ZNF25: variants seen among roughly 807,000 people sequenced by gnomAD.
ZNF25 encodes the protein zinc finger protein 25 (KOX 19).
ZNF25 carries 21 observed loss-of-function variants against 30.9 expected under a neutral mutation model. The ratio of observed to expected loss-of-function variants is 0.68; its 90% CI spans 0.48 to 0.98. The LOEUF is 0.98. Among genes scored for constraint, ZNF25 ranks in the 50% least tolerant of loss-of-function variants. The pLI, the probability that ZNF25 is intolerant of heterozygous loss-of-function variation, is 0.00. For missense variants in ZNF25, 501 were observed against 529.9 expected, an observed-to-expected ratio of 0.95 and a Z score of 0.54; for synonymous variants, 169 against 181.3, an observed-to-expected ratio of 0.93 and a Z score of 0.55.
rs925152321 is a variant in ZNF25 at position 37,957,353 on chromosome 10, T to C, written c.142+67A>G. ...ATCATTCAACCCTATAGGGACATTT[T>C]ATACTCCAGTAACTGAGAAGATAGA... On this transcript the variant is annotated intron_variant, in intron 3 of 5. Transcript: ENST00000302609. 9.0e-6 allele frequency: 14 copies of C among 1,553,900 alleles called. No individual in the cohort carries two copies. In the African/African-American group the frequency reaches 1.5e-4, roughly 17 times the overall value.
At chr10:37,955,710 C>T (rs1455819232) in intron 4 of ZNF25, among the ~76,000 whole-genome samples, 1 of 152,096 alleles carries the variant, frequency 6.6e-6, no homozygotes, top group Non-Finnish European at 1.5e-5. Context: ...ACATGAGTCT[C>T]ACTGTTGTCC....
chr10:37,960,297 T>C (rs2135355422), intron 2 of ZNF25, among the ~76,000 whole-genome samples: 1 of 151,858 alleles, frequency 6.6e-6, no homozygotes, highest in East Asian at 1.9e-4. Context: ...ATATAAAAAA[T>C]AGAGTTCTAG....
At chr10:37,953,227 T>G in intron 5 of ZNF25, 32 bp from the exon 6 acceptor site, 1 of 1,530,370 alleles carries the variant, frequency 6.5e-7, no homozygotes, top group Non-Finnish European at 8.7e-7. Flanking sequence ...CATTAATGTG[T>G]AAGACTTTTA....
rs2062250395 is a variant in ZNF25, at chr10:37,952,860, T to C, written c.638A>G (p.Gln213Arg). The change falls in exon 6 of 6, where the codon CAG (glutamine) becomes CGG (arginine). Residue 213 changes from glutamine (Q) to arginine (R), a missense_variant. Coordinates refer to ENST00000302609, the MANE Select transcript of ZNF25 (RefSeq NM_145011.4). The part of the protein sequence containing the change: ...ECNQCEKSFY[Q>R]KPHLTEHQKT... ...CTGATGTTCTGTGAGATGTGGTTTC[T>C]GGTAGAAGGATTTTTCACACTGATT... 6.2e-7 allele frequency: 1 copy of C among 1,614,048 alleles called. No homozygotes were observed. Among genetic ancestry groups the C allele is most frequent in the African/African-American group, 1.3e-5 (1 of 74,926 alleles).
chr10:37,961,116 T>C (rs1347600784), intron 2 of ZNF25, among the ~76,000 whole-genome samples: 1 of 152,128 alleles, frequency 6.6e-6, no homozygotes, highest in Non-Finnish European at 1.5e-5. Context: ...CAAGAGCTGA[T>C]GAAAAGACCC....
Position 37,951,038 on chromosome 10 carries a change from T to C in ZNF25, c.*1089A>G, listed in dbSNP as rs1429705414. ...AAACAGCTCAGGCTTTTGCTATATA[T>C]AAATGTGTCCCTAATGCAAAACTTG... On this transcript the variant is annotated 3_prime_UTR_variant, in exon 6 of 6. Transcript: ENST00000302609. The C allele has an allele frequency of 6.6e-6, 1 of 152,218 alleles. No individual in the cohort carries two copies. Among genetic ancestry groups the C allele is most frequent in the African/African-American group, 2.4e-5 (1 of 41,464 alleles). The allele number at this position is 152,218 out of a possible 1,614,324, so 9.4% of individuals were successfully genotyped here. A position where few individuals can be genotyped will look rare whatever the true frequency, so the allele number is the denominator to read the frequency against.
chr10:37,975,427 G>C (rs989829416), intron 1 of ZNF25, among the ~76,000 whole-genome samples: 1 of 151,160 alleles, frequency 6.6e-6, no homozygotes, highest in African/African-American at 2.4e-5. Context: ...ACCACTTCCA[G>C]CTAGCATGGT....
chr10:37,969,299 G>T (rs552545727), intron 2 of ZNF25, among the ~76,000 whole-genome samples: 1 of 152,088 alleles, frequency 6.6e-6, no homozygotes, highest in Non-Finnish European at 1.5e-5. Context: ...TTGAAAATAG[G>T]TATCAAATAC....
At chr10:37,964,528 T>C (rs776006378) in intron 2 of ZNF25, among the ~76,000 whole-genome samples, 2 of 152,196 alleles carry the variant, frequency 1.3e-5, no homozygotes, top group Non-Finnish European at 2.9e-5. Flanking sequence ...GGCACAGAGC[T>C]TGGCTGCATG....
chr10:37,972,068 G>C (rs1389190772), intron 1 of ZNF25, among the ~76,000 whole-genome samples: 1 of 152,146 alleles, frequency 6.6e-6, no homozygotes, highest in Non-Finnish European at 1.5e-5. Context: ...AATAATGACT[G>C]ATTAAATAAC....
intron 1 of ZNF25, among the ~76,000 whole-genome samples, chr10:37,975,766 A>G (rs1481111128): frequency 6.6e-6 from 1 of 152,194 alleles, no homozygotes; most frequent in Non-Finnish European, 1.5e-5. Flanking sequence ...TGGAAACAGA[A>G]CACTACCTGG....
At chr10:37,966,455 C>A (rs1277929525) in intron 2 of ZNF25, among the ~76,000 whole-genome samples, 4 of 150,990 alleles carry the variant, frequency 2.6e-5, no homozygotes, top group African/African-American at 9.7e-5. Context: ...GGGTAATTTA[C>A]AAAGAAAAGA....
chr10:37,962,069 T>C (rs1401284939), intron 2 of ZNF25, among the ~76,000 whole-genome samples: 1 of 151,528 alleles, frequency 6.6e-6, no homozygotes, highest in Non-Finnish European at 1.5e-5. Flanking sequence ...ACCCCATCTC[T>C]ACTAAAAATA....
chr10:37,968,839 C>T (rs995480694), intron 2 of ZNF25, among the ~76,000 whole-genome samples: 1 of 152,098 alleles, frequency 6.6e-6, no homozygotes, highest in East Asian at 1.9e-4. Context: ...GAAACCCACA[C>T]ATATGGAGGG....
In ZNF25 at chr10:37,952,399, C is replaced by T. The variant is rs1188657802; in HGVS notation, c.1099G>A (p.Glu367Lys). Residue 367 changes from glutamate to lysine, a missense_variant, in exon 6 of 6, where the codon GAG (glutamate) becomes AAG (lysine). By Grantham distance (56) the Glu-to-Lys change is moderately conservative (BLOSUM62 1). Coordinates refer to ENST00000302609, the MANE Select transcript of ZNF25 (RefSeq NM_145011.4). ...CATTCTGTGCATTCATAGGGCTTCT[C>T]CCCTGTGTGTTTTCTCTGATGTTTA... ...LTKHQRKHTG[E>K]KPYECTECGK... 2.5e-6 allele frequency: 4 copies of T among 1,614,102 alleles called. No homozygotes were observed. The highest frequency in any genetic ancestry group is 2.5e-6 in the Non-Finnish European group (3 of 1,180,012).
intron 2 of ZNF25, among the ~76,000 whole-genome samples, chr10:37,971,303 G>A (rs529252535): frequency 4.5e-5 from 6 of 134,594 alleles, no homozygotes; most frequent in Non-Finnish European, 7.9e-5. Flanking sequence ...GCAACAGAGC[G>A]AGACTCCATC....
chr10:37,961,416 A>G (rs1338100815), intron 2 of ZNF25, among the ~76,000 whole-genome samples: 2 of 152,246 alleles, frequency 1.3e-5, no homozygotes, highest in East Asian at 3.8e-4. Context: ...ACCAAATGTT[A>G]AAAGACAAAG....
chr10:37,971,629 A>T, intron 2 of ZNF25, 79 bp downstream of exon 2: 1 of 1,513,580 alleles, frequency 6.6e-7, no homozygotes, highest in Non-Finnish European at 8.9e-7. Flanking sequence ...AAAACTCATT[A>T]AACACACACA....
chr10:37,951,293 G>A lies in ZNF25; in HGVS notation c.*834C>T, dbSNP rs540679712. The A allele has an allele frequency of 1.6e-4, 25 of 152,376 alleles. No individual in the cohort carries two copies. The highest frequency in any genetic ancestry group is 5.8e-4 in the East Asian group (3 of 5,188). 9.4% of individuals were successfully genotyped at this position (152,376 alleles called of 1,614,324 possible). On this transcript the variant is annotated 3_prime_UTR_variant, in exon 6 of 6. Coordinates refer to ENST00000302609, the MANE Select transcript of ZNF25 (RefSeq NM_145011.4). ...TACTGAACTAAGATTATATTATTTC[G>A]CTATGTACCATTATGGATGGATTCC...
Sources: gnomAD v4.1 joint callset for allele counts (sites outside exome capture counted in the v4.1 genomes callset) on GRCh38, gnomAD v4.1.1 for gene constraint, MANE v1.5 for transcripts, NCBI Gene and HGNC (gene_info 2026-07-23, HGNC 2026-07-21) for gene names.